TNXB: variants seen among roughly 807,000 people sequenced by gnomAD.
The protein encoded by TNXB is tenascin-X.
TNXB carries 183 observed loss-of-function variants against 340.5 expected under a neutral mutation model. The observed-to-expected ratio is 0.54, with a 90% CI of 0.48 to 0.61. TNXB has a LOEUF of 0.61. TNXB is among the 20% of genes least tolerant of loss of function. The pLI is 0.00. For synonymous variants in TNXB, 2,121 were observed against 2,314.5 expected (o/e 0.92, Z 2.40); for missense variants, 4,613 against 5,446.4 (o/e 0.85, Z 4.82).
chr6:32,099,945 G>GAAA (rs1780624879), intron 1 of TNXB, among the ~76,000 whole-genome samples: 1 of 32,902 alleles, frequency 3.0e-5, no homozygotes, highest in African/African-American at 1.4e-4. Flanking sequence ...ACATCCCTAA[G>GAAA]TAAAAAAAAA....
chr6:32,082,229 G>A lies in TNXB; in HGVS notation c.3543C>T (p.Val1181=). Reference sequence around the variant, plus strand: ...TGAAGGTGTCAAACTGGCCCTCAGGGACAGTCCAGGAGAGGTGCAGTGAAT... The same window carrying A: ...TGAAGGTGTCAAACTGGCCCTCAGGAACAGTCCAGGAGAGGTGCAGTGAAT... ...TPDSLHLSWT[V]PEGQFDTFMV... The change falls in exon 9 of 44, where the codon GTC becomes GTT. Residue 1181 remains valine (V), a synonymous_variant. Coordinates refer to ENST00000644971, the MANE Select transcript of TNXB (RefSeq NM_001365276.2). This position sits in a 1 kb window ranked among gnomAD's most constrained non-coding sequence, Gnocchi z 5.0. 1.2e-6 allele frequency: 2 copies of A among 1,612,260 alleles called. No homozygotes were observed. The highest frequency in any genetic ancestry group is 1.7e-5 in the Admixed American group (1 of 60,022).
rs2151896747 is a variant in TNXB at position 32,052,975 on chromosome 6, G to A, written c.8810C>T (p.Pro2937Leu). Residue 2937 changes from proline to leucine, a missense_variant, in exon 26 of 44, where the codon CCC (proline) becomes CTC (leucine). Transcript: ENST00000644971. This position sits in a 1 kb window ranked among gnomAD's most constrained non-coding sequence, Gnocchi z 4.7. ...CTCCGTGCTGGGTTCTGTGGGGGCGGGAGTTTCTTCCTCTGCAGCTGAGAA... is the reference window on the plus strand; with the variant it reads ...CTCCGTGCTGGGTTCTGTGGGGGCGAGAGTTTCTTCCTCTGCAGCTGAGAA... ...IGVTAAEEET[P>L]APTEPSTEAP... 1 of 1,611,334 alleles carries A rather than the reference G, an allele frequency of 6.2e-7. No individual in the cohort carries two copies. Among genetic ancestry groups the A allele is most frequent in the African/African-American group, 1.3e-5 (1 of 74,958 alleles).
chr6:32,096,721 G>A lies in TNXB; in HGVS notation c.1132C>T (p.Arg378Trp), dbSNP rs372983350. Residue 378 changes from arginine to tryptophan, a missense_variant, in exon 3 of 44, where the codon CGG (arginine) becomes TGG (tryptophan). Around this residue, in one of 7 missense-constraint regions of TNXB, gnomAD observed 4,327 missense variants for 4,859.4 expected, o/e 0.89. Coordinates refer to ENST00000644971, the MANE Select transcript of TNXB (RefSeq NM_001365276.2). ...CCGTCCTCGCAGCGCCCGCGGCCCCGGCAGTCCCTCGGACATGTCCGCGTG... is the reference window on the plus strand; with the variant it reads ...CCGTCCTCGCAGCGCCCGCGGCCCCAGCAGTCCCTCGGACATGTCCGCGTG... ...CSTRTCPRDC[R>W]GRGRCEDGEC... 1.2e-5 allele frequency: 18 copies of A among 1,548,868 alleles called. No individual in the cohort carries two copies. The highest frequency in any genetic ancestry group is 4.7e-5 in the South Asian group (4 of 84,376).
rs754216282 is a variant in TNXB, at chr6:32,096,729, C to T, written c.1124G>A (p.Arg375Lys). The change falls in exon 3 of 44, where the codon AGG becomes AAG. Residue 375 changes from arginine (R) to lysine (K), a missense_variant. Physicochemically the swap from Arg to Lys is conservative, Grantham distance 26. Coordinates refer to ENST00000644971, the MANE Select transcript of TNXB (RefSeq NM_001365276.2). Reference protein sequence around the residue: ...GEDCSTRTCPRDCRGRGRCED... With the variant: ...GEDCSTRTCPKDCRGRGRCED... ...GCAGCGCCCGCGGCCCCGGCAGTCC[C>T]TCGGACATGTCCGCGTGCTGCAGTC... 6.4e-7 allele frequency: 1 copy of T among 1,552,638 alleles called. No homozygotes were observed. Among genetic ancestry groups the T allele is most frequent in the Non-Finnish European group, 8.7e-7 (1 of 1,150,706 alleles).
rs145996271 is a variant in TNXB at position 32,103,806 on chromosome 6, A to C, written c.-9+5375T>G. On this transcript the variant is annotated intron_variant, in intron 1 of 43. Coordinates refer to ENST00000644971, the MANE Select transcript of TNXB (RefSeq NM_001365276.2). ...AGTGCAGTGGCACGATCTTGGCTCA[A>C]TGCAACCTCTGCCTCCTGGGGTTCA... Among the ~76,000 whole-genome samples, 976 of 149,890 alleles carry C rather than the reference A, an allele frequency of 6.5e-3. 12 individuals carry two copies. The highest frequency in any genetic ancestry group is 0.023 in the African/African-American group (926 of 40,550).
rs766377002 is a variant in TNXB, at chr6:32,046,963, G to A, written c.10325-507C>T. Among the ~76,000 whole-genome samples, 2 of 152,214 alleles carry A rather than the reference G, an allele frequency of 1.3e-5. No homozygotes were observed. The highest frequency in any genetic ancestry group is 2.9e-5 in the Non-Finnish European group (2 of 68,026). ...CTTGTGGCCATCAGCCTGAACATCC[G>A]TGCCTCCTGCTTCCCCAGCCCCACA... is the stretch of plus-strand genomic sequence containing the variant. On this transcript the variant is annotated intron_variant, in intron 30 of 43. Coordinates refer to ENST00000644971, the MANE Select transcript of TNXB (RefSeq NM_001365276.2). The surrounding 1 kb of genome is among the most constrained non-coding windows in gnomAD (Gnocchi z 6.9).
chr6:32,070,002 C>T lies in TNXB; in HGVS notation c.5278+125G>A, dbSNP rs374627091. On this transcript the variant is annotated intron_variant, in intron 14 of 43. Coordinates refer to ENST00000644971, the MANE Select transcript of TNXB (RefSeq NM_001365276.2). The surrounding 1 kb of genome is among the most constrained non-coding windows in gnomAD (Gnocchi z 6.0). ...GCTGTGCTAGGGGCTTGTGCAGGGA[C>T]GTGGGGAGCTGGATCTGAGCCGAGT... The T allele has an allele frequency of 2.3e-5, 32 of 1,375,786 alleles. No individual in the cohort carries two copies. The South Asian group carries it at 3.0e-4, about 13-fold the overall frequency. The allele number at this position is 1,375,786 out of a possible 1,614,324, so 85.2% of individuals were successfully genotyped here.
At position 32,062,449 on chromosome 6, in the gene TNXB, C is replaced by T. The variant is rs776795976; in HGVS notation, c.6876G>A (p.Ser2292=). 49 of 1,610,060 alleles carry T rather than the reference C, an allele frequency of 3.0e-5. No individual in the cohort carries two copies. The highest frequency in any genetic ancestry group is 2.0e-4 in the East Asian group (9 of 44,812). ...PGKDEEMAPA[S]TEPPTPEPPI... The stretch of plus-strand genomic sequence containing the variant: ...GGGGTTCAGGGGTGGGAGGTTCTGT[C>T]GAGGCTGGGGCCATTTCTTCATCCT... Residue 2292 remains serine, a synonymous_variant, in exon 20 of 44, where the codon TCG becomes TCA. Transcript: ENST00000644971. This position sits in a 1 kb window ranked among gnomAD's most constrained non-coding sequence, Gnocchi z 4.3.
chr6:32,058,937 T>C lies in TNXB; in HGVS notation c.7493-547A>G, dbSNP rs1482947670. On this transcript the variant is annotated intron_variant, in intron 21 of 43. Coordinates refer to ENST00000644971, the MANE Select transcript of TNXB (RefSeq NM_001365276.2). This position sits in a 1 kb window ranked among gnomAD's most constrained non-coding sequence, Gnocchi z 5.1. ...AAAAAAGGAAGTGCCAAGAACTTTA[T>C]GAACACTGATTGCAACTTTAAAACA... 2.0e-5 allele frequency among the ~76,000 whole-genome samples: 3 copies of C among 152,106 alleles called. No homozygotes were observed. The highest frequency in any genetic ancestry group is 2.9e-5 in the Non-Finnish European group (2 of 68,034).
intron 24 of TNXB, among the ~76,000 whole-genome samples, chr6:32,053,913 A>C (rs868762866): frequency 0.052 from 1,158 of 22,098 alleles, 9 homozygotes; most frequent in Middle Eastern, 0.29. Flanking sequence ...CCTCACCCCC[A>C]CCTCCCAACA....
In TNXB at chr6:32,056,189, T is replaced by C; in HGVS notation, c.8144-15A>G. 1 of 1,603,748 alleles carries C rather than the reference T, an allele frequency of 6.2e-7. No homozygotes were observed. Among genetic ancestry groups the C allele is most frequent in the East Asian group, 2.2e-5 (1 of 44,674 alleles). On this transcript the variant is annotated splice_polypyrimidine_tract_variant and intron_variant, in intron 23 of 43. Coordinates refer to ENST00000644971, the MANE Select transcript of TNXB (RefSeq NM_001365276.2). Reference sequence around the variant, plus strand: ...TTCCTCTGCAGCTGAGAAAAGGAGATATAGAGAGGATGCCAGGTGCCTGGG... The same window carrying C: ...TTCCTCTGCAGCTGAGAAAAGGAGACATAGAGAGGATGCCAGGTGCCTGGG...
In TNXB at chr6:32,050,109, C is replaced by G. The variant is rs367800507; in HGVS notation, c.9328G>C (p.Glu3110Gln). 7.4e-6 allele frequency: 12 copies of G among 1,613,644 alleles called. No homozygotes were observed. Among genetic ancestry groups the G allele is most frequent in the Non-Finnish European group, 1.0e-5 (12 of 1,179,894 alleles). Residue 3110 changes from glutamate (E) to glutamine (Q), a missense_variant, in exon 27 of 44, where the codon GAG becomes CAG. Around this residue, in one of 7 missense-constraint regions of TNXB, gnomAD observed 4,327 missense variants for 4,859.4 expected, o/e 0.89. Transcript: ENST00000644971. ...QPKAVRVPGH[E>Q]DGVTISGLEP... is the part of the protein sequence containing the mutation. ...AGGCCTGAGATGGTGACCCCGTCCT[C>G]GTGCCCCGGCACCCGCACCGCCTTG... is the stretch of plus-strand genomic sequence containing the variant.
In TNXB at chr6:32,097,382, G is replaced by A; in HGVS notation, c.471C>T (p.Ser157=). 1 of 1,611,528 alleles carries A rather than the reference G, an allele frequency of 6.2e-7. No individual in the cohort carries two copies. The highest frequency in any genetic ancestry group is 8.5e-7 in the Non-Finnish European group (1 of 1,179,672). The stretch of plus-strand genomic sequence containing the variant: ...TGGGCCCACCCCAGCCTGGCTCACA[G>A]GAACAGGTGCAGCGGCTCAGATCAA... The part of the protein sequence containing the change: ...GVFDLSRCTC[S]CEPGWGGPTC... Residue 157 remains serine, a synonymous_variant, in exon 3 of 44, where the codon TCC becomes TCT. Transcript: ENST00000644971. The surrounding 1 kb of genome is among the most constrained non-coding windows in gnomAD (Gnocchi z 5.9).
rs1307382903 is a variant in TNXB at position 32,108,815 on chromosome 6, C to T, written c.-9+366G>A. ...CCAGTTCAGCCTAGTCCTATCTTCC[C>T]GCTAGCCCCAGCACCTCCAGGGCCC... On this transcript the variant is annotated intron_variant, in intron 1 of 43. Transcript: ENST00000644971. This position sits in a 1 kb window ranked among gnomAD's most constrained non-coding sequence, Gnocchi z 4.8. Among the ~76,000 whole-genome samples, 3 of 152,100 alleles carry T rather than the reference C, an allele frequency of 2.0e-5. No individual in the cohort carries two copies. Among genetic ancestry groups the T allele is most frequent in the Non-Finnish European group, 2.9e-5 (2 of 68,002 alleles).
chr6:32,063,142 C>G (rs992931547), intron 19 of TNXB, among the ~76,000 whole-genome samples: 2 of 152,214 alleles, frequency 1.3e-5, no homozygotes, highest in South Asian at 4.1e-4. Flanking sequence ...AATCCCAGCA[C>G]TTTGGGAGGC....
rs555392478 is a variant in TNXB, at chr6:32,077,771, A to G, written c.4375+1262T>C. 9.2e-5 allele frequency among the ~76,000 whole-genome samples: 14 copies of G among 152,352 alleles called. No homozygotes were observed. The South Asian group carries it at 1.2e-3, about 14-fold the overall frequency. ...GCCGGGCGTGGTGGCTTATGCCTATAATCCCAGCACTTTGGAAGGCCAAGG... is the reference window on the plus strand; with the variant it reads ...GCCGGGCGTGGTGGCTTATGCCTATGATCCCAGCACTTTGGAAGGCCAAGG... On this transcript the variant is annotated intron_variant, in intron 11 of 43. Transcript: ENST00000644971.
rs1302459195 is a variant in TNXB, at chr6:32,043,422, C to T, written c.11650+15G>A. ...CCCTGAACAAGTCCCCTCCAGAGGC[C>T]TCAGGCCTGCTCACCCCCAGGGGCT... On this transcript the variant is annotated intron_variant, in intron 36 of 43. Transcript: ENST00000644971. 1.9e-6 allele frequency: 1 copy of T among 516,336 alleles called. No homozygotes were observed. Among genetic ancestry groups the T allele is most frequent in the Non-Finnish European group, 3.3e-6 (1 of 300,356 alleles). The allele number at this position is 516,336 out of a possible 1,614,324, so 32.0% of individuals were successfully genotyped here. A position where few individuals can be genotyped will look rare whatever the true frequency, so the allele number is the denominator to read the frequency against.
rs1779652525 is a variant in TNXB at position 32,084,467 on chromosome 6, A to G, written c.3391T>C (p.Tyr1131His). ...TGCCTCTTCTTGCCAACAAACCCAT[A>G]CAGGACAAATTTGTACTTGCGGCCA... ...DPGRKYKFVL[Y>H]GFVGKKRHGP... is the part of the protein sequence containing the mutation. The change falls in exon 8 of 44, where the codon TAT becomes CAT. Residue 1131 changes from tyrosine to histidine, a missense_variant. Tyr to His is a moderately conservative substitution (Grantham distance 83, BLOSUM62 2). This residue lies in a region of TNXB where 4,327 missense variants were observed against 4,859.4 expected (regional missense o/e 0.89). Transcript: ENST00000644971. The surrounding 1 kb of genome is among the most constrained non-coding windows in gnomAD (Gnocchi z 5.5). The G allele has an allele frequency of 6.2e-7, 1 of 1,605,410 alleles. No homozygotes were observed. The highest frequency in any genetic ancestry group is 1.3e-5 in the African/African-American group (1 of 74,826).
At chr6:32,106,292 A>G (rs536288023) in intron 1 of TNXB, among the ~76,000 whole-genome samples, 1 of 152,170 alleles carries the variant, frequency 6.6e-6, no homozygotes, top group South Asian at 2.1e-4. Context: ...AGGATAAGAC[A>G]GGAGACAGGG....
Sources: allele counts gnomAD v4.1 joint callset (sites outside exome capture counted in the v4.1 genomes callset), GRCh38; gene constraint gnomAD v4.1.1; regional missense constraint gnomAD v4.1.1; non-coding constraint Gnocchi (gnomAD v3.1); transcripts MANE v1.5; gene names NCBI Gene and HGNC (gene_info 2026-07-23, HGNC 2026-07-21).